Variants in SGK1 observed in about 807,000 individuals in gnomAD.
The protein encoded by SGK1 is serum/glucocorticoid regulated kinase 1, also known as serine/threonine-protein kinase Sgk1.
In SGK1, 26 loss-of-function variants were observed where a neutral mutation model predicts 64.2. That is an observed-to-expected ratio of 0.40 (90% confidence interval 0.30 to 0.56). The LOEUF is 0.56. Among genes scored for constraint, SGK1 ranks in the 20% least tolerant of loss-of-function variants. The probability of loss-of-function intolerance (pLI) is 0.38; values close to 1 mark genes in which losing one functional copy is unlikely to be tolerated. For synonymous variants in SGK1, 265 were observed against 239.7 expected (o/e 1.11, Z -0.98); for missense variants, 519 against 645.6 (o/e 0.80, Z 2.12).
At chr6:134,248,658 G>A (rs1390766607) in intron 2 of SGK1, among the ~76,000 whole-genome samples, 1 of 151,908 alleles carries the variant, frequency 6.6e-6, no homozygotes. Context: ...CACCATGTTG[G>A]CCAGGCTGGT....
At chr6:134,295,074 T>C in intron 1 of SGK1, among the ~76,000 whole-genome samples, 1 of 143,710 alleles carries the variant, frequency 7.0e-6, no homozygotes, top group East Asian at 2.3e-4. Flanking sequence ...GAATATGTAA[T>C]TTTTTTTTTC....
chr6:134,173,979 G>A (rs1232853058), intron 5 of SGK1, 26 bp downstream of exon 5: 9 of 1,540,138 alleles, frequency 5.8e-6, no homozygotes, highest in Non-Finnish European at 8.1e-6. Context: ...GTTCTCCACA[G>A]ATGCACGGCA....
Position 134,237,927 on chromosome 6 carries a change from A to G in SGK1, c.285+24006T>C, listed in dbSNP as rs1776388516. Reference sequence around the variant, plus strand: ...ATAAACTTGTCCTTGAGAATAATATACTCTAAATAATTCATATGAGTCACA... The same window carrying G: ...ATAAACTTGTCCTTGAGAATAATATGCTCTAAATAATTCATATGAGTCACA... On this transcript the variant is annotated intron_variant, in intron 2 of 13. Transcript: ENST00000367858. Among the ~76,000 whole-genome samples, 6 of 152,174 alleles carry G rather than the reference A, an allele frequency of 3.9e-5. No homozygotes were observed. The South Asian group carries it at 1.2e-3, about 31-fold the overall frequency.
rs1409081224 is a variant in SGK1, at chr6:134,172,316, T to C, written c.948A>G (p.Arg316=). Residue 316 remains arginine, a splice_region_variant and synonymous_variant, in exon 10 of 14, where the codon AGA becomes AGG. Transcript: ENST00000367858. The part of the protein sequence containing the change: ...GYLHSLNIVY[R]DLKPENILLD... ...GCAAAATATTCTCTGGTTTTAAGTC[T>C]CTGTAAAAAAGTGAATAGAAAAGTA... 6.2e-7 allele frequency: 1 copy of C among 1,609,016 alleles called. No homozygotes were observed. The highest frequency in any genetic ancestry group is 1.3e-5 in the African/African-American group (1 of 74,596).
intron 2 of SGK1, among the ~76,000 whole-genome samples, chr6:134,233,990 T>A (rs552680440): frequency 6.6e-6 from 1 of 152,246 alleles, no homozygotes; most frequent in Non-Finnish European, 1.5e-5. Context: ...AGTGTCATAG[T>A]AAAATAACCT....
At chr6:134,266,949 T>C (rs888050392) in intron 1 of SGK1, among the ~76,000 whole-genome samples, 1 of 152,218 alleles carries the variant, frequency 6.6e-6, no homozygotes, top group African/African-American at 2.4e-5. Context: ...CGTTGTAGTT[T>C]AAAATCAATC....
At chr6:134,222,064 TTG>T (rs1276766766) in intron 2 of SGK1, among the ~76,000 whole-genome samples, 1 of 152,232 alleles carries the variant, frequency 6.6e-6, no homozygotes. Context: ...TGCCAAAATG[TTG>T]TGTTTTAACA....
intron 1 of SGK1, among the ~76,000 whole-genome samples, chr6:134,280,069 C>A (rs1036982608): frequency 6.6e-6 from 1 of 151,942 alleles, no homozygotes; most frequent in Non-Finnish European, 1.5e-5. Flanking sequence ...GTGATGCACA[C>A]CTGTAGTCCC....
At chr6:134,268,476 A>C (rs1032259250) in intron 1 of SGK1, among the ~76,000 whole-genome samples, 1 of 151,970 alleles carries the variant, frequency 6.6e-6, no homozygotes, top group Non-Finnish European at 1.5e-5. Flanking sequence ...CTGTAATCCC[A>C]GTACTTTGGG....
intron 4 of SGK1, 147 bp from the exon 5 acceptor site, chr6:134,174,227 G>A: frequency 6.4e-6 from 4 of 627,702 alleles, no homozygotes; most frequent in South Asian, 6.0e-5. Context: ...GTCAGTTAAA[G>A]AAAATAATAA....
At chr6:134,189,873 G>T in intron 3 of SGK1, among the ~76,000 whole-genome samples, 1 of 151,894 alleles carries the variant, frequency 6.6e-6, no homozygotes, top group African/African-American at 2.4e-5. Context: ...GTTTTGAGAC[G>T]GAGTCTCACT....
intron 3 of SGK1, among the ~76,000 whole-genome samples, chr6:134,205,005 TTCTC>T (rs1273807560): frequency 6.6e-6 from 1 of 152,028 alleles, no homozygotes; most frequent in African/African-American, 2.4e-5. Flanking sequence ...GTTTCTCTCT[TTCTC>T]TCTTTCAGTG....
intron 2 of SGK1, among the ~76,000 whole-genome samples, chr6:134,234,706 A>G (rs1040712072): frequency 6.6e-6 from 1 of 152,012 alleles, no homozygotes; most frequent in Non-Finnish European, 1.5e-5. Context: ...GTGAAACCCC[A>G]TCTCCACTAA....
intron 1 of SGK1, among the ~76,000 whole-genome samples, chr6:134,302,679 T>C (rs1025663021): frequency 1.3e-5 from 2 of 152,180 alleles, no homozygotes; most frequent in Admixed American, 6.5e-5. Flanking sequence ...GTACCAGGCA[T>C]TGGGGCTAAA....
intron 1 of SGK1, among the ~76,000 whole-genome samples, chr6:134,305,650 T>C (rs1257153677): frequency 6.6e-6 from 1 of 151,972 alleles, no homozygotes; most frequent in Non-Finnish European, 1.5e-5. Context: ...TTCAATGTAT[T>C]TTGCTGTTTT....
intron 10 of SGK1, 51 bp downstream of exon 10, chr6:134,172,142 C>A: frequency 6.2e-7 from 1 of 1,602,404 alleles, no homozygotes; most frequent in Non-Finnish European, 8.5e-7. Context: ...TTGTACATCT[C>A]TCTCTTGGAA....
intron 2 of SGK1, among the ~76,000 whole-genome samples, chr6:134,209,092 G>A (rs575662872): frequency 6.6e-6 from 1 of 152,192 alleles, no homozygotes; most frequent in South Asian, 2.1e-4. Context: ...CAGAGCAGCA[G>A]TGATCCATGT....
chr6:134,294,748 G>A (rs1582769222), intron 1 of SGK1, among the ~76,000 whole-genome samples: 1 of 152,142 alleles, frequency 6.6e-6, no homozygotes, highest in South Asian at 2.1e-4. Flanking sequence ...ATGTTGACCA[G>A]GCTGGTCTCG....
At chr6:134,252,950 C>A (rs1206401337) in intron 2 of SGK1, among the ~76,000 whole-genome samples, 2 of 152,084 alleles carry the variant, frequency 1.3e-5, no homozygotes, top group South Asian at 2.1e-4. Flanking sequence ...ATCTATAAAG[C>A]CATCTGGCTG....
Sources: gnomAD v4.1 joint callset for allele counts (sites outside exome capture counted in the v4.1 genomes callset) on GRCh38, gnomAD v4.1.1 for gene constraint, MANE v1.5 for transcripts, NCBI Gene and HGNC (gene_info 2026-07-23, HGNC 2026-07-21) for gene names.